Variants in PEPD observed in about 807,000 individuals in gnomAD.
The protein encoded by PEPD is peptidase D, also known as xaa-Pro dipeptidase.
A neutral mutation model predicts 60.7 loss-of-function variants in PEPD; 53 were observed. The ratio of observed to expected loss-of-function variants is 0.87; its 90% confidence interval spans 0.70 to 1.10. PEPD has a LOEUF of 1.10. Ranked by LOEUF, PEPD falls within the 50% of genes least tolerant of loss-of-function variation. PEPD has a pLI of 0.00. For synonymous variants in PEPD, 267 were observed against 284.1 expected (o/e 0.94, Z 0.60); for missense variants, 711 against 711.9 (o/e 1.00, Z 0.01).
chr19:33,439,282 C>T (rs1969439539), intron 9 of PEPD, among the ~76,000 whole-genome samples: 1 of 152,234 alleles, frequency 6.6e-6, no homozygotes, highest in Admixed American at 6.5e-5. Flanking sequence ...CCTGGCCTTC[C>T]TGCCCCCTGC....
chr19:33,395,140 C>T (rs981159041), intron 12 of PEPD: 1 of 152,510 alleles, frequency 6.6e-6, no homozygotes, highest in African/African-American at 2.4e-5. Flanking sequence ...GCCACCTCCT[C>T]CAAGCCCGTT....
intron 8 of PEPD, among the ~76,000 whole-genome samples, chr19:33,463,290 C>T (rs746436558): frequency 6.6e-6 from 1 of 152,248 alleles, no homozygotes; most frequent in South Asian, 2.1e-4. Context: ...CCTCAAGTTA[C>T]AGCTCAGAGG....
intron 9 of PEPD, among the ~76,000 whole-genome samples, chr19:33,444,900 T>A (rs964878681): frequency 1.3e-5 from 2 of 152,142 alleles, no homozygotes; most frequent in African/African-American, 4.8e-5. Context: ...CAACATTTTA[T>A]CACAGTGTGT....
chr19:33,499,978 G>A (rs1970678299), intron 4 of PEPD, among the ~76,000 whole-genome samples: 1 of 152,242 alleles, frequency 6.6e-6, no homozygotes, highest in Non-Finnish European at 1.5e-5. Context: ...CCTGCCCAGG[G>A]GAAGGGGGAA....
At chr19:33,421,189 C>T (rs1358615099) in intron 9 of PEPD, among the ~76,000 whole-genome samples, 1 of 152,212 alleles carries the variant, frequency 6.6e-6, no homozygotes, top group East Asian at 1.9e-4. Context: ...CCCATGCATG[C>T]ATCTCTGGTT....
intron 4 of PEPD, among the ~76,000 whole-genome samples, chr19:33,498,286 A>C (rs1970646181): frequency 6.6e-6 from 1 of 151,896 alleles, no homozygotes; most frequent in African/African-American, 2.4e-5. Flanking sequence ...TAGCCTTTGA[A>C]CTCTACTGAA....
At chr19:33,465,849 C>G (rs1174176643) in intron 7 of PEPD, among the ~76,000 whole-genome samples, 3 of 152,130 alleles carry the variant, frequency 2.0e-5, no homozygotes, top group Non-Finnish European at 4.4e-5. Context: ...AGACAAACTA[C>G]TAACCAAATA....
rs536551832 is a variant in PEPD at position 33,443,622 on chromosome 19, G to A, written c.671+19373C>T. ...GAAAACGACATAAAAACAAGTCAAA[G>A]ATAGGAAATTTTTTGAAAACCCAAA... On this transcript the variant is annotated intron_variant, in intron 9 of 14. Transcript: ENST00000244137. 1.9e-3 allele frequency among the ~76,000 whole-genome samples: 288 copies of A among 151,880 alleles called. 3 individuals are homozygous for A. In the Middle Eastern group the frequency reaches 0.045, roughly 23 times the overall value.
intron 12 of PEPD, among the ~76,000 whole-genome samples, chr19:33,399,148 C>T (rs1968432365): frequency 6.6e-6 from 1 of 152,140 alleles, no homozygotes; most frequent in Non-Finnish European, 1.5e-5. Flanking sequence ...ACCATCACGC[C>T]CAGCTAATTT....
chr19:33,402,157 G>A (rs919466234), intron 11 of PEPD, among the ~76,000 whole-genome samples: 4 of 152,206 alleles, frequency 2.6e-5, no homozygotes, highest in Admixed American at 2.6e-4. Context: ...GTCCTATGCA[G>A]ATGACACCCA....
At position 33,467,510 on chromosome 19, in the gene PEPD, C is replaced by T. The variant is rs972793341; in HGVS notation, c.549-3448G>A. On this transcript the variant is annotated intron_variant, in intron 7 of 14. Coordinates refer to ENST00000244137, the MANE Select transcript of PEPD (RefSeq NM_000285.4). Reference sequence around the variant, plus strand: ...AAAGATGTGTAGAGAGAGCAGGGCCCCATCTGTGCAGCCTCAGCTCACCCA... The same window carrying T: ...AAAGATGTGTAGAGAGAGCAGGGCCTCATCTGTGCAGCCTCAGCTCACCCA... Among the ~76,000 whole-genome samples, 4 of 152,144 alleles carry T rather than the reference C, an allele frequency of 2.6e-5. No homozygotes were observed. In the South Asian group the frequency reaches 6.2e-4, roughly 24 times the overall value.
chr19:33,462,992 T>C lies in PEPD; in HGVS notation c.671+3A>G. The C allele has an allele frequency of 1.3e-6, 2 of 1,585,082 alleles. 1 individual carries two copies. Among genetic ancestry groups the C allele is most frequent in the Middle Eastern group, 3.3e-4 (2 of 6,012 alleles). ...TTTTACCCGGAGAAACATGGTGGCT[T>C]ACCTTTCCAACTCATATTCTTTCAT... is the stretch of plus-strand genomic sequence containing the variant. On this transcript the variant is annotated splice_donor_region_variant and intron_variant, in intron 9 of 14. Transcript: ENST00000244137.
At chr19:33,397,336 G>A (rs879552672) in intron 12 of PEPD, among the ~76,000 whole-genome samples, 4 of 151,926 alleles carry the variant, frequency 2.6e-5, no homozygotes, top group African/African-American at 4.8e-5. Flanking sequence ...TCCCTGGAAG[G>A]TCACAGGATG....
chr19:33,400,346 T>C (rs1968459863), intron 12 of PEPD, among the ~76,000 whole-genome samples: 1 of 152,238 alleles, frequency 6.6e-6, no homozygotes, highest in Non-Finnish European at 1.5e-5. Context: ...TACAGGGCCA[T>C]TGTCCTGTGC....
At chr19:33,501,340 C>T (rs1970709878) in intron 3 of PEPD, among the ~76,000 whole-genome samples, 1 of 152,184 alleles carries the variant, frequency 6.6e-6, no homozygotes, top group Admixed American at 6.5e-5. Context: ...CCAGTGCACC[C>T]GTCCCTCTGT....
intron 9 of PEPD, among the ~76,000 whole-genome samples, chr19:33,414,646 G>A (rs1013591725): frequency 2.1e-5 from 3 of 141,788 alleles, no homozygotes; most frequent in Non-Finnish European, 3.1e-5. Flanking sequence ...GCCACATGGC[G>A]GTCCTGCCCT....
chr19:33,521,505 G>C (rs373417260), intron 1 of PEPD, among the ~76,000 whole-genome samples: 1 of 152,226 alleles, frequency 6.6e-6, no homozygotes, highest in Non-Finnish European at 1.5e-5. Flanking sequence ...GGGGCCGCCA[G>C]ACGCGGGCAG....
Position 33,501,009 on chromosome 19 carries a change from A to G in PEPD, c.330-8T>C, listed in dbSNP as rs2145335420. 3 of 1,571,508 alleles carry G rather than the reference A, an allele frequency of 1.9e-6. No individual in the cohort carries two copies. The East Asian group carries it at 6.7e-5, about 35-fold the overall frequency. On this transcript the variant is annotated splice_polypyrimidine_tract_variant and splice_region_variant and intron_variant, in intron 3 of 14. Transcript: ENST00000244137. ...TGCTCCTTGGAATGGATCCTCAAAG[A>G]AAAGCACAAGGAATATCAGGGTCAG... is the stretch of plus-strand genomic sequence containing the variant.
At chr19:33,414,592 G>A (rs964324842) in intron 9 of PEPD, among the ~76,000 whole-genome samples, 8 of 101,306 alleles carry the variant, frequency 7.9e-5, no homozygotes, top group Admixed American at 1.9e-4. Flanking sequence ...GCCCCCACCC[G>A]CCCACCCCCG....
Sources: gnomAD v4.1 joint callset for allele counts (sites outside exome capture counted in the v4.1 genomes callset) on GRCh38, gnomAD v4.1.1 for gene constraint, MANE v1.5 for transcripts, NCBI Gene and HGNC (gene_info 2026-07-23, HGNC 2026-07-21) for gene names.